Variants in PTGIS observed in about 807,000 individuals in gnomAD.
PTGIS encodes the protein prostacyclin synthase.
A neutral mutation model predicts 50.3 loss-of-function variants in PTGIS; 45 were observed. The observed-to-expected ratio is 0.90, with a 90% CI of 0.70 to 1.15. The LOEUF is 1.15. Among genes scored for constraint, PTGIS ranks in the 50% most tolerant of loss-of-function variants. The probability of loss-of-function intolerance (pLI) is 0.00; values close to 1 mark genes in which losing one functional copy is unlikely to be tolerated. For synonymous variants in PTGIS, 260 were observed against 267.7 expected (o/e 0.97, Z 0.28); for missense variants, 668 against 661.3 (o/e 1.01, Z -0.11).
intron 5 of PTGIS, among the ~76,000 whole-genome samples, chr20:49,527,382 G>A (rs767673008): frequency 1.1e-4 from 16 of 152,038 alleles, no homozygotes; most frequent in Admixed American, 2.0e-4. Context: ...GCTTGAACCC[G>A]GGAGGCGGAG....
chr20:49,535,509 TTTTTTG>T (rs1319306984), intron 5 of PTGIS, among the ~76,000 whole-genome samples: 10 of 152,046 alleles, frequency 6.6e-5, no homozygotes, highest in African/African-American at 2.2e-4. Flanking sequence ...AATGTATTGG[TTTTTTG>T]TTTTTGTTTT....
chr20:49,567,959 C>T (rs908996856), intron 1 of PTGIS, 84 bp downstream of exon 1: 1 of 1,295,170 alleles, frequency 7.7e-7, no homozygotes, highest in Non-Finnish European at 1.0e-6. Context: ...CCGGGCCGGC[C>T]GCGGGCTCCG....
chr20:49,512,503 G>A (rs1225403464), intron 8 of PTGIS, among the ~76,000 whole-genome samples: 1 of 152,186 alleles, frequency 6.6e-6, no homozygotes, highest in East Asian at 1.9e-4. Context: ...ATAGACAGAT[G>A]CATGAGTAGA....
intron 6 of PTGIS, among the ~76,000 whole-genome samples, chr20:49,520,017 G>A (rs972146819): frequency 1.3e-5 from 2 of 151,588 alleles, no homozygotes; most frequent in Admixed American, 1.3e-4. Flanking sequence ...CCTCTAAAGC[G>A]AAAGACAGGC....
In PTGIS at chr20:49,507,552, A is replaced by G. The variant is rs1981187224; in HGVS notation, c.*368T>C. On this transcript the variant is annotated 3_prime_UTR_variant, in exon 10 of 10. Coordinates refer to ENST00000244043, the MANE Select transcript of PTGIS (RefSeq NM_000961.4). Reference sequence around the variant, plus strand: ...GATAAGGCCCGGGCCATGCTAGCTCATAAGAACTAGGAAGGTGACACCTCC... The same window carrying G: ...GATAAGGCCCGGGCCATGCTAGCTCGTAAGAACTAGGAAGGTGACACCTCC... 5.4e-6 allele frequency: 2 copies of G among 370,236 alleles called. No individual in the cohort carries two copies. Among genetic ancestry groups the G allele is most frequent in the South Asian group, 2.2e-5 (1 of 44,988 alleles). The allele number at this position is 370,236 out of a possible 1,614,324, so 22.9% of individuals were successfully genotyped here. A position where few individuals can be genotyped will look rare whatever the true frequency, so the allele number is the denominator to read the frequency against.
At position 49,545,579 on chromosome 20, in the gene PTGIS, A is replaced by G. The variant is rs115062312; in HGVS notation, c.378-1131T>C. 8.6e-4 allele frequency among the ~76,000 whole-genome samples: 130 copies of G among 151,934 alleles called. 1 individual carries two copies. Among genetic ancestry groups the G allele is most frequent in the African/African-American group, 3.0e-3 (124 of 41,410 alleles). Reference sequence around the variant, plus strand: ...TGTGGCAGAAGCTGGAAGCTCCCCTATACTGAGCCTCCATGATATGGAGTC... The same window carrying G: ...TGTGGCAGAAGCTGGAAGCTCCCCTGTACTGAGCCTCCATGATATGGAGTC... On this transcript the variant is annotated intron_variant, in intron 3 of 9. Coordinates refer to ENST00000244043, the MANE Select transcript of PTGIS (RefSeq NM_000961.4).
intron 5 of PTGIS, among the ~76,000 whole-genome samples, chr20:49,529,858 A>C (rs1463024486): frequency 6.6e-6 from 1 of 152,114 alleles, no homozygotes; most frequent in East Asian, 1.9e-4. Context: ...CTCATTTATA[A>C]ATTAAACTTT....
intron 2 of PTGIS, among the ~76,000 whole-genome samples, chr20:49,549,514 T>A (rs767775891): frequency 6.6e-6 from 1 of 152,174 alleles, no homozygotes; most frequent in Middle Eastern, 3.2e-3. Flanking sequence ...TGTATACAGA[T>A]GAAAGTTGGA....
chr20:49,525,688 A>C (rs1981776829), intron 5 of PTGIS, among the ~76,000 whole-genome samples: 1 of 152,164 alleles, frequency 6.6e-6, no homozygotes, highest in Non-Finnish European at 1.5e-5. Context: ...ATAAAGTTTA[A>C]AACAAAAATA....
chr20:49,561,182 C>T (rs528706883), intron 1 of PTGIS, among the ~76,000 whole-genome samples: 1 of 152,304 alleles, frequency 6.6e-6, no homozygotes, highest in East Asian at 1.9e-4. Context: ...GCCCCTGTCT[C>T]CTGCTCCCTT....
chr20:49,557,961 C>G (rs1209050650), intron 1 of PTGIS, among the ~76,000 whole-genome samples: 1 of 152,166 alleles, frequency 6.6e-6, no homozygotes, highest in Admixed American at 6.5e-5. Flanking sequence ...AAGGCACAGA[C>G]CTCTCTACTG....
Position 49,507,459 on chromosome 20 carries a change from T to C in PTGIS, c.*461A>G, listed in dbSNP as rs1441992831. 2 of 268,500 alleles carry C rather than the reference T, an allele frequency of 7.4e-6. No homozygotes were observed. The highest frequency in any genetic ancestry group is 4.4e-5 in the African/African-American group (2 of 45,310). 16.6% of individuals were successfully genotyped at this position (268,500 alleles called of 1,614,324 possible). ...TAAGGATTATTGGGGGACTGACTGC[T>C]GAATGACATCAATGGACACAAAGGA... is the stretch of plus-strand genomic sequence containing the variant. On this transcript the variant is annotated 3_prime_UTR_variant, in exon 10 of 10. Coordinates refer to ENST00000244043, the MANE Select transcript of PTGIS (RefSeq NM_000961.4).
chr20:49,514,776 C>T (rs556957925), intron 6 of PTGIS, among the ~76,000 whole-genome samples: 26 of 152,338 alleles, frequency 1.7e-4, no homozygotes, highest in African/African-American at 6.0e-4. Flanking sequence ...AGAATCCACG[C>T]TCCTTACCAT....
rs775704085 is a variant in PTGIS at position 49,547,904 on chromosome 20, T to A, written c.314A>T (p.Glu105Val). The change falls in exon 3 of 10, where the codon GAG becomes GTG. Residue 105 changes from glutamate to valine, a missense_variant. By Grantham distance (121) the Glu-to-Val change is moderately radical (BLOSUM62 -2). Coordinates refer to ENST00000244043, the MANE Select transcript of PTGIS (RefSeq NM_000961.4). ...DFHAYAIFLM[E>V]RIFDVQLPHY... ...TGGAAGCTGCACATCAAAAATCCTC[T>A]CCATGAGGAAGATGGCATAGGCATG... 3.7e-6 allele frequency: 6 copies of A among 1,613,934 alleles called. No homozygotes were observed. The highest frequency in any genetic ancestry group is 8.5e-7 in the Non-Finnish European group (1 of 1,179,998).
rs887121394 is a variant in PTGIS at position 49,540,886 on chromosome 20, G to C, written c.522-1165C>G. Among the ~76,000 whole-genome samples, 3 of 152,170 alleles carry C rather than the reference G, an allele frequency of 2.0e-5. No homozygotes were observed. The highest frequency in any genetic ancestry group is 7.2e-5 in the African/African-American group (3 of 41,432). On this transcript the variant is annotated intron_variant, in intron 4 of 9. Coordinates refer to ENST00000244043, the MANE Select transcript of PTGIS (RefSeq NM_000961.4). This position sits in a 1 kb window ranked among gnomAD's most constrained non-coding sequence, Gnocchi z 4.8. Reference sequence around the variant, plus strand: ...CCTCACCCTCTCACCCTCCCCTTGAGCTCCTGGATCCCTGTGCAGACAAAG... The same window carrying C: ...CCTCACCCTCTCACCCTCCCCTTGACCTCCTGGATCCCTGTGCAGACAAAG...
At chr20:49,535,719 T>C (rs1876692364) in intron 5 of PTGIS, among the ~76,000 whole-genome samples, 1 of 152,236 alleles carries the variant, frequency 6.6e-6, no homozygotes, top group Non-Finnish European at 1.5e-5. Context: ...TTTCGCCATG[T>C]TGGCCAGGCT....
Position 49,536,407 on chromosome 20 carries a change from T to C in PTGIS, c.673+3163A>G, listed in dbSNP as rs183153128. On this transcript the variant is annotated intron_variant, in intron 5 of 9. Transcript: ENST00000244043. ...GACTATGACAATGCTTAACCTCGTA[T>C]CTGGCACATAGTAAGTGCTCAGCAA... 2.7e-3 allele frequency among the ~76,000 whole-genome samples: 408 copies of C among 152,256 alleles called. 1 individual carries two copies. The highest frequency in any genetic ancestry group is 5.2e-3 in the Admixed American group (80 of 15,302).
At chr20:49,542,547 C>T (rs763259328) in intron 4 of PTGIS, among the ~76,000 whole-genome samples, 1 of 152,210 alleles carries the variant, frequency 6.6e-6, no homozygotes, top group Non-Finnish European at 1.5e-5. Flanking sequence ...CTCTCCCCAG[C>T]CTATCTCTCT....
chr20:49,518,082 C>G (rs1432250089), intron 6 of PTGIS, among the ~76,000 whole-genome samples: 1 of 152,238 alleles, frequency 6.6e-6, no homozygotes, highest in Non-Finnish European at 1.5e-5. Context: ...TTGTAGTCAT[C>G]CCCCAGGGGG....
Sources: allele counts gnomAD v4.1 joint callset (sites outside exome capture counted in the v4.1 genomes callset), GRCh38; gene constraint gnomAD v4.1.1; non-coding constraint Gnocchi (gnomAD v3.1); transcripts MANE v1.5; gene names NCBI Gene and HGNC (gene_info 2026-07-23, HGNC 2026-07-21).